The following NCMAP variants were observed in gnomAD, a reference collection of about 807,000 sequenced individuals.
The protein encoded by NCMAP is noncompact myelin-associated protein.
Under a neutral mutation model 7.8 loss-of-function variants are expected in NCMAP, and 8 were observed. The observed-to-expected ratio is 1.02, with a 90% CI of 0.60 to 1.84. NCMAP has a LOEUF of 1.84. NCMAP is among the 40% of genes most tolerant of loss of function. The pLI is 0.00. For synonymous variants in NCMAP, 41 were observed against 52.9 expected (o/e 0.78, Z 0.98); for missense variants, 112 against 131.4 (o/e 0.85, Z 0.72).
intron 1 of NCMAP, among the ~76,000 whole-genome samples, chr1:24,573,554 C>T (rs1651450102): frequency 6.6e-6 from 1 of 150,464 alleles, no homozygotes; most frequent in African/African-American, 2.5e-5. Flanking sequence ...CACCATTGCA[C>T]TCCAGCATGA....
chr1:24,581,581 C>T (rs183382333), intron 1 of NCMAP, among the ~76,000 whole-genome samples: 1 of 152,334 alleles, frequency 6.6e-6, no homozygotes, highest in East Asian at 1.9e-4. Flanking sequence ...CTGAGAGTCG[C>T]TGGGAGAAGT....
chr1:24,605,869 T>G lies in NCMAP; in HGVS notation c.*122T>G. 1 of 1,168,736 alleles carries G rather than the reference T, an allele frequency of 8.6e-7. No individual in the cohort carries two copies. The allele number at this position is 1,168,736 out of a possible 1,614,324, so 72.4% of individuals were successfully genotyped here. On this transcript the variant is annotated 3_prime_UTR_variant, in exon 4 of 4. Transcript: ENST00000374392. The stretch of plus-strand genomic sequence containing the variant: ...CTGGTCAGGTCGACAGAGACATCTT[T>G]GACGCAATCTCTGATGCTTCCAGCA...
intron 1 of NCMAP, among the ~76,000 whole-genome samples, chr1:24,588,726 A>C (rs1651959340): frequency 6.6e-6 from 1 of 152,242 alleles, no homozygotes; most frequent in African/African-American, 2.4e-5. Context: ...AGAAAACAAC[A>C]GTCCCTTGTA....
chr1:24,560,333 G>A (rs1020996075), intron 1 of NCMAP, among the ~76,000 whole-genome samples: 1 of 152,196 alleles, frequency 6.6e-6, no homozygotes, highest in African/African-American at 2.4e-5. Flanking sequence ...TTCAGGGCTT[G>A]CTGACACCTG....
intron 1 of NCMAP, among the ~76,000 whole-genome samples, chr1:24,563,393 T>G (rs12077461): frequency 0.12 from 18,967 of 152,064 alleles, 1,717 homozygotes; most frequent in African/African-American, 0.26. Flanking sequence ...TGGTGGTGCA[T>G]GCCTGTAATC....
chr1:24,586,281 C>A (rs190889626), intron 1 of NCMAP, among the ~76,000 whole-genome samples: 46 of 152,206 alleles, frequency 3.0e-4, no homozygotes, highest in Admixed American at 2.6e-3. Flanking sequence ...CCAGGAGGAG[C>A]GGAAATGTCT....
chr1:24,605,578 C>T (rs1652694502), intron 3 of NCMAP, 28 bp from the exon 4 acceptor site: 10 of 1,610,236 alleles, frequency 6.2e-6, no homozygotes, highest in Non-Finnish European at 8.5e-6. Context: ...GGGAAAGACT[C>T]AACCATGTGC....
At chr1:24,592,248 A>AG in intron 1 of NCMAP, among the ~76,000 whole-genome samples, 1 of 152,284 alleles carries the variant, frequency 6.6e-6, no homozygotes. Context: ...CAGTGTCGAC[A>AG]GGGGGAAATG....
At chr1:24,572,791 A>G (rs1009559758) in intron 1 of NCMAP, among the ~76,000 whole-genome samples, 2 of 150,428 alleles carry the variant, frequency 1.3e-5, no homozygotes, top group Non-Finnish European at 2.9e-5. Context: ...AGTCTCTTCC[A>G]CTTTTCCTCT....
chr1:24,561,016 A>G (rs1016100813), intron 1 of NCMAP, among the ~76,000 whole-genome samples: 4 of 151,984 alleles, frequency 2.6e-5, no homozygotes, highest in African/African-American at 7.2e-5. Context: ...TTTTGCCTTC[A>G]TGGGACCCAT....
At chr1:24,573,515 G>A (rs924493025) in intron 1 of NCMAP, among the ~76,000 whole-genome samples, 1 of 150,816 alleles carries the variant, frequency 6.6e-6, no homozygotes, top group Non-Finnish European at 1.5e-5. Context: ...TTGAACCTGG[G>A]AGGCAGAGGT....
intron 1 of NCMAP, among the ~76,000 whole-genome samples, chr1:24,585,463 G>A (rs1651856061): frequency 1.3e-5 from 2 of 152,232 alleles, no homozygotes; most frequent in East Asian, 1.9e-4. Context: ...CATCCCCTGA[G>A]TCCATATCTA....
chr1:24,564,513 C>CAAAAAAAAAAAAAAAAAAAAAA (rs1184189345), intron 1 of NCMAP, among the ~76,000 whole-genome samples: 1 of 50,016 alleles, frequency 2.0e-5, no homozygotes. Context: ...GATTCTGTCT[C>CAAAAAAAAAAAAAAAAAAAAAA]AAAAAAAAAA....
At chr1:24,586,243 C>T (rs989810312) in intron 1 of NCMAP, among the ~76,000 whole-genome samples, 5 of 152,204 alleles carry the variant, frequency 3.3e-5, no homozygotes, top group Admixed American at 1.3e-4. Flanking sequence ...AGACAATGTG[C>T]TGTGTCACAG....
In NCMAP at chr1:24,605,834, T is replaced by C. The variant is rs72886159; in HGVS notation, c.*87T>C. The C allele has an allele frequency of 0.01, 15,409 of 1,506,758 alleles. 1,336 individuals are homozygous for C. The African/African-American group carries it at 0.19, about 19-fold the overall frequency. 93.3% of individuals were successfully genotyped at this position (1,506,758 alleles called of 1,614,324 possible). On this transcript the variant is annotated 3_prime_UTR_variant, in exon 4 of 4. Transcript: ENST00000374392. ...GGCACACTCTCTGGCAGCTTCACAA[T>C]GAGCTTCTTCTGGTCAGGTCGACAG...
chr1:24,557,698 G>T (rs1650939515), intron 1 of NCMAP, among the ~76,000 whole-genome samples: 1 of 152,206 alleles, frequency 6.6e-6, no homozygotes, highest in South Asian at 2.1e-4. Context: ...GAGGGGAGGA[G>T]GAAATGGGAA....
At chr1:24,574,603 T>C (rs1221993789) in intron 1 of NCMAP, among the ~76,000 whole-genome samples, 2 of 151,996 alleles carry the variant, frequency 1.3e-5, no homozygotes, top group Non-Finnish European at 2.9e-5. Context: ...GTATAACACA[T>C]TGATCCTGTC....
intron 1 of NCMAP, among the ~76,000 whole-genome samples, chr1:24,594,202 A>C (rs1327240559): frequency 6.6e-6 from 1 of 152,102 alleles, no homozygotes; most frequent in Non-Finnish European, 1.5e-5. Context: ...CAGAGTGATT[A>C]TAATATCATC....
In NCMAP at chr1:24,609,015, G is replaced by A. The variant is rs1419481423; in HGVS notation, c.*3268G>A. On this transcript the variant is annotated 3_prime_UTR_variant, in exon 4 of 4. Coordinates refer to ENST00000374392, the MANE Select transcript of NCMAP (RefSeq NM_001010980.5). ...CTTGGAGTTGGAGGGAAGAAGGGGA[G>A]ATGGAGTGGTGAGGGCGAGTCAAAT... The A allele has an allele frequency of 1.3e-5, 2 of 152,292 alleles. No individual in the cohort carries two copies. The highest frequency in any genetic ancestry group is 2.9e-5 in the Non-Finnish European group (2 of 68,108). The allele number at this position is 152,292 out of a possible 1,614,324, so 9.4% of individuals were successfully genotyped here.
Sources: allele counts gnomAD v4.1 joint callset (sites outside exome capture counted in the v4.1 genomes callset), GRCh38; gene constraint gnomAD v4.1.1; transcripts MANE v1.5; gene names NCBI Gene and HGNC (gene_info 2026-07-23, HGNC 2026-07-21).